Variants in AGBL4 observed in about 807,000 individuals in gnomAD.
AGBL4 encodes the protein AGBL carboxypeptidase 4, also known as cytosolic carboxypeptidase 6.
AGBL4 carries 58 observed loss-of-function variants against 66.4 expected under a neutral mutation model. That is an observed-to-expected ratio of 0.87 (90% confidence interval 0.71 to 1.09). The LOEUF is 1.09. AGBL4 is among the 50% of genes least tolerant of loss of function. The pLI, the probability that AGBL4 is intolerant of heterozygous loss-of-function variation, is 0.00. For missense variants in AGBL4, 579 were observed against 631.0 expected, an observed-to-expected ratio of 0.92 and a Z score of 0.88; for synonymous variants, 234 against 222.9, an observed-to-expected ratio of 1.05 and a Z score of -0.44.
intron 6 of AGBL4, among the ~76,000 whole-genome samples, chr1:48,668,572 T>A (rs1012071420): frequency 6.6e-6 from 1 of 152,148 alleles, no homozygotes; most frequent in Non-Finnish European, 1.5e-5. Context: ...ACATGTTCTG[T>A]TTTCTTCCTA....
At chr1:48,588,837 GAAGAGAAGAGAAGA>G (rs1429768470) in intron 10 of AGBL4, among the ~76,000 whole-genome samples, 20 of 151,186 alleles carry the variant, frequency 1.3e-4, no homozygotes, top group African/African-American at 4.1e-4. Context: ...GAAGAGAAGA[GAAGAGAAGAGAAGA>G]GAAGAGAAGG....
At chr1:48,831,668 A>G (rs1336912970) in intron 6 of AGBL4, among the ~76,000 whole-genome samples, 1 of 152,214 alleles carries the variant, frequency 6.6e-6, no homozygotes, top group Non-Finnish European at 1.5e-5. Flanking sequence ...GGATAGCTGA[A>G]TTAACTTGAA....
At chr1:49,316,814 TA>T (rs1408458751) in intron 3 of AGBL4, among the ~76,000 whole-genome samples, 9 of 151,900 alleles carry the variant, frequency 5.9e-5, no homozygotes, top group Admixed American at 3.9e-4. Flanking sequence ...CAAAAATGCT[TA>T]TATCACTGTT....
chr1:49,971,561 AT>A (rs2148363902), intron 1 of AGBL4, among the ~76,000 whole-genome samples: 1 of 152,276 alleles, frequency 6.6e-6, no homozygotes. Context: ...GTCACTAAGA[AT>A]TGCGGGAAGA....
At chr1:48,710,612 C>A (rs569244952) in intron 6 of AGBL4, among the ~76,000 whole-genome samples, 8 of 152,272 alleles carry the variant, frequency 5.3e-5, no homozygotes, top group Admixed American at 3.3e-4. Flanking sequence ...ACTGGTTAGA[C>A]TGGATTTAAG....
intron 3 of AGBL4, among the ~76,000 whole-genome samples, chr1:49,407,193 TTAAG>T (rs750082972): frequency 3.9e-5 from 6 of 152,116 alleles, no homozygotes; most frequent in Non-Finnish European, 8.8e-5. Flanking sequence ...TCAATAAACT[TTAAG>T]TAAGCAGATT....
At chr1:49,025,195 C>A (rs1357215224) in intron 5 of AGBL4, among the ~76,000 whole-genome samples, 1 of 152,142 alleles carries the variant, frequency 6.6e-6, no homozygotes, top group East Asian at 1.9e-4. Flanking sequence ...ACAAGAAAAC[C>A]TTGCAAACAG....
chr1:48,707,465 C>G (rs1646898981), intron 6 of AGBL4, among the ~76,000 whole-genome samples: 1 of 152,214 alleles, frequency 6.6e-6, no homozygotes, highest in African/African-American at 2.4e-5. Context: ...TCCATTGACA[C>G]TCTGCCATGT....
At chr1:48,647,562 T>C in intron 8 of AGBL4, 1 of 442,920 alleles carries the variant, frequency 2.3e-6, no homozygotes, top group Non-Finnish European at 4.5e-6. Flanking sequence ...GGTCTATGAC[T>C]GTTTACTTAT....
At chr1:49,652,283 A>C (rs1646023491) in intron 3 of AGBL4, among the ~76,000 whole-genome samples, 2 of 152,214 alleles carry the variant, frequency 1.3e-5, no homozygotes, top group Non-Finnish European at 2.9e-5. Context: ...TATTTGAGGA[A>C]ATAATTCAAG....
chr1:49,814,255 T>C (rs1018258289), intron 2 of AGBL4, among the ~76,000 whole-genome samples: 1 of 152,096 alleles, frequency 6.6e-6, no homozygotes, highest in African/African-American at 2.4e-5. Context: ...ACCATATAAG[T>C]ATCTATGTAT....
intron 2 of AGBL4, among the ~76,000 whole-genome samples, chr1:49,698,842 A>G (rs1414039947): frequency 2.6e-5 from 4 of 152,108 alleles, no homozygotes; most frequent in Non-Finnish European, 5.9e-5. Context: ...AAAAGTATAA[A>G]TGGGTTTTGA....
intron 11 of AGBL4, among the ~76,000 whole-genome samples, chr1:48,560,982 G>A (rs1033808394): frequency 6.6e-6 from 1 of 152,200 alleles, no homozygotes; most frequent in Non-Finnish European, 1.5e-5. Context: ...CCCCTGTCTA[G>A]TTTCTCCTCC....
intron 3 of AGBL4, among the ~76,000 whole-genome samples, chr1:49,294,506 C>G (rs1644602506): frequency 6.6e-6 from 1 of 152,192 alleles, no homozygotes; most frequent in African/African-American, 2.4e-5. Context: ...TCAGCTAAGT[C>G]TTCCCAAACT....
chr1:49,923,622 A>C (rs1442308001), intron 1 of AGBL4, among the ~76,000 whole-genome samples: 1 of 152,192 alleles, frequency 6.6e-6, no homozygotes, highest in Non-Finnish European at 1.5e-5. Context: ...TATAAGAAAA[A>C]ACAAAATAAC....
intron 6 of AGBL4, among the ~76,000 whole-genome samples, chr1:48,807,668 C>G (rs1645956545): frequency 6.6e-6 from 1 of 152,140 alleles, no homozygotes; most frequent in Non-Finnish European, 1.5e-5. Context: ...TCACATTTTC[C>G]TTTTATCCAG....
At chr1:48,925,628 C>G (rs973890696) in intron 5 of AGBL4, among the ~76,000 whole-genome samples, 1 of 151,928 alleles carries the variant, frequency 6.6e-6, no homozygotes, top group Non-Finnish European at 1.5e-5. Flanking sequence ...GATTGGACAC[C>G]CCTGGACTAG....
At chr1:49,419,686 T>C (rs1234863067) in intron 3 of AGBL4, among the ~76,000 whole-genome samples, 2 of 152,194 alleles carry the variant, frequency 1.3e-5, no homozygotes, top group Non-Finnish European at 2.9e-5. Flanking sequence ...ATTAAATCCT[T>C]ATCCTCAGTG....
At chr1:48,783,697 A>T (rs1268344280) in intron 6 of AGBL4, among the ~76,000 whole-genome samples, 4 of 152,186 alleles carry the variant, frequency 2.6e-5, no homozygotes, top group Non-Finnish European at 5.9e-5. Context: ...GGAATTAAAA[A>T]ATATTCCATC....
Sources: allele counts gnomAD v4.1 joint callset (sites outside exome capture counted in the v4.1 genomes callset), GRCh38; gene constraint gnomAD v4.1.1; transcripts MANE v1.5; gene names NCBI Gene and HGNC (gene_info 2026-07-23, HGNC 2026-07-21).